KRABD3: variants seen among roughly 807,000 people sequenced by gnomAD.
The protein encoded by KRABD3 is KRAB domain containing 3, also known as KRAB domain-containing protein 3.
chr7:149,720,741 G>C, the KRABD3 span: 2 of 1,252,784 alleles, frequency 1.6e-6, no homozygotes, highest in African/African-American at 3.0e-5. Context: ...TGGCTGGGAG[G>C]ATTACGTGAG....
chr7:149,723,666 T>C, the KRABD3 span: 10 of 1,510,578 alleles, frequency 6.6e-6, no homozygotes, highest in South Asian at 3.7e-5. Flanking sequence ...ACTTGTCCCC[T>C]GTTTGTTGTT....
At chr7:149,730,512 G>A in the KRABD3 span, 6 of 1,611,184 alleles carry the variant, frequency 3.7e-6, no homozygotes, top group Non-Finnish European at 5.1e-6. Flanking sequence ...AGTGGCGGCA[G>A]CCCTGGTGAA....
the KRABD3 span, chr7:149,726,055 GA>G: frequency 1.2e-6 from 2 of 1,610,726 alleles, no homozygotes; most frequent in Non-Finnish European, 1.7e-6. Context: ...CAGCATCCTG[GA>G]AAAGGTGAGC....
chr7:149,717,971 G>T, the KRABD3 span, among the ~76,000 whole-genome samples: 4 of 152,088 alleles, frequency 2.6e-5, no homozygotes, highest in Non-Finnish European at 5.9e-5. Context: ...GCTAATTTTT[G>T]TATTTTATTA....
the KRABD3 span, chr7:149,733,128 C>T: frequency 6.7e-7 from 1 of 1,501,420 alleles, no homozygotes; most frequent in East Asian, 2.3e-5. Flanking sequence ...TACTGAGCGC[C>T]CTTGGTTCAT....
the KRABD3 span, among the ~76,000 whole-genome samples, chr7:149,726,593 G>T: frequency 1.3e-5 from 2 of 151,930 alleles, no homozygotes; most frequent in East Asian, 3.9e-4. Flanking sequence ...GTCCGCCACC[G>T]TGCCCAGCTA....
At chr7:149,719,504 C>T in the KRABD3 span, 1 of 1,528,636 alleles carries the variant, frequency 6.5e-7, no homozygotes, top group South Asian at 1.2e-5. This position sits in a 1 kb window ranked among gnomAD's most constrained non-coding sequence, Gnocchi z 5.6. Context: ...GCTGTCCCCT[C>T]TGGGATGGAA....
chr7:149,734,046 G>C, the KRABD3 span: 3 of 1,600,426 alleles, frequency 1.9e-6, no homozygotes, highest in Non-Finnish European at 2.6e-6. Flanking sequence ...GGGGCGCATT[G>C]ATGGCATTCC....
the KRABD3 span, chr7:149,721,134 G>A: frequency 1.6e-6 from 2 of 1,223,754 alleles, no homozygotes; most frequent in East Asian, 2.5e-5. Flanking sequence ...GCTAGGCCGT[G>A]TGCCGCCCTC....
At chr7:149,729,333 G>T in the KRABD3 span, 1 of 1,586,984 alleles carries the variant, frequency 6.3e-7, no homozygotes, top group Non-Finnish European at 8.6e-7. Flanking sequence ...AAGACCCTGG[G>T]GCCACCAGGC....
the KRABD3 span, chr7:149,722,708 A>G: frequency 6.6e-7 from 1 of 1,522,308 alleles, no homozygotes; most frequent in Non-Finnish European, 8.9e-7. Flanking sequence ...CCGCCCGGAG[A>G]CCTGAATGCC....
chr7:149,733,161 T>G, the KRABD3 span: 1 of 1,541,828 alleles, frequency 6.5e-7, no homozygotes, highest in South Asian at 1.3e-5. Flanking sequence ...GAGAGAAAGG[T>G]CCTTACAAAC....
chr7:149,722,544 T>G, the KRABD3 span: 190,232 of 1,418,130 alleles, frequency 0.13, 11,986 homozygotes, highest in Middle Eastern at 0.27. Context: ...GAGAGGGACC[T>G]CAGAGGCCGG....
At chr7:149,724,587 C>T in the KRABD3 span, 3 of 1,274,960 alleles carry the variant, frequency 2.4e-6, no homozygotes, top group Non-Finnish European at 3.1e-6. Flanking sequence ...CTATAAAGGC[C>T]TCAAGGGATT....
the KRABD3 span, chr7:149,728,412 C>T: frequency 7.9e-7 from 1 of 1,269,874 alleles, no homozygotes; most frequent in Non-Finnish European, 1.1e-6. Flanking sequence ...GCTCTGTGCC[C>T]AGCACCCCTG....
the KRABD3 span, among the ~76,000 whole-genome samples, chr7:149,726,520 C>T: frequency 2.0e-5 from 3 of 151,892 alleles, no homozygotes; most frequent in South Asian, 2.1e-4. Context: ...TCACTGCAAC[C>T]TCCACCTCCT....
At chr7:149,723,954 G>A in the KRABD3 span, 2 of 1,550,714 alleles carry the variant, frequency 1.3e-6, no homozygotes, top group South Asian at 1.2e-5. Flanking sequence ...CCCAGGCAGG[G>A]CTGTAGGTGG....
the KRABD3 span, chr7:149,733,877 T>C: frequency 6.3e-7 from 1 of 1,591,676 alleles, no homozygotes; most frequent in Non-Finnish European, 8.5e-7. Context: ...GCAGGGAGCC[T>C]CTCCTCCTGC....
chr7:149,733,315 C>T, the KRABD3 span: 64 of 1,612,432 alleles, frequency 4.0e-5, no homozygotes, highest in Middle Eastern at 4.9e-4. Flanking sequence ...TGCCAGCCTC[C>T]TCCCTGCAGC....
Sources: gnomAD v4.1 joint callset for allele counts (sites outside exome capture counted in the v4.1 genomes callset) on GRCh38, gnomAD v4.1.1 for gene constraint, Gnocchi (gnomAD v3.1) non-coding constraint, MANE v1.5 for transcripts, NCBI Gene and HGNC (gene_info 2026-07-23, HGNC 2026-07-21) for gene names.